Variants in IL6R observed in about 807,000 individuals in gnomAD.
The protein encoded by IL6R is interleukin-6 receptor subunit alpha.
Under a neutral mutation model 48.3 loss-of-function variants are expected in IL6R, and 38 were observed. The ratio of observed to expected loss-of-function variants is 0.79; its 90% CI spans 0.61 to 1.03. The LOEUF (loss-of-function observed/expected upper bound fraction) is 1.03. Ranked by LOEUF, IL6R falls within the 50% of genes least tolerant of loss-of-function variation. The probability of loss-of-function intolerance (pLI) is 0.00; values close to 1 mark genes in which losing one functional copy is unlikely to be tolerated. For synonymous variants in IL6R, 264 were observed against 256.2 expected (o/e 1.03, Z -0.29); for missense variants, 534 against 618.3 (o/e 0.86, Z 1.45).
chr1:154,454,455 C>A (rs1459494396), intron 8 of IL6R, 33 bp from the exon 9 acceptor site: 2 of 1,357,844 alleles, frequency 1.5e-6, no homozygotes, highest in East Asian at 4.6e-5. Flanking sequence ...TTCTCCTCTT[C>A]CTCCTCTATC....
intron 6 of IL6R, among the ~76,000 whole-genome samples, chr1:154,442,605 G>A (rs920851727): frequency 2.0e-5 from 3 of 152,172 alleles, no homozygotes; most frequent in African/African-American, 7.2e-5. Context: ...TGTAGCCCAG[G>A]ATAGCCTTTT....
intron 1 of IL6R, among the ~76,000 whole-genome samples, chr1:154,428,580 C>T (rs554812468): frequency 2.6e-5 from 4 of 152,346 alleles, no homozygotes; most frequent in East Asian, 1.9e-4. Flanking sequence ...GGCCAGGCAA[C>T]GTCCCGGGCA....
In IL6R at chr1:154,408,111, A is replaced by G. The variant is rs138063143; in HGVS notation, c.85+2397A>G. On this transcript the variant is annotated intron_variant, in intron 1 of 9. Coordinates refer to ENST00000368485, the MANE Select transcript of IL6R (RefSeq NM_000565.4). ...GGGTGGGAGGGCTTTGGTAAACATG[A>G]TGATTTTTGAACCCTAACCCAGATT... Among the ~76,000 whole-genome samples, 621 of 152,142 alleles carry G rather than the reference A, an allele frequency of 4.1e-3. 3 individuals carry two copies. The highest frequency in any genetic ancestry group is 0.014 in the African/African-American group (586 of 41,502).
chr1:154,415,096 G>A, intron 1 of IL6R: 1 of 1,235,972 alleles, frequency 8.1e-7, no homozygotes, highest in Non-Finnish European at 1.2e-6. Context: ...CTAAGATTGG[G>A]GCTTTTACGG....
At chr1:154,442,407 A>G (rs546721548) in intron 6 of IL6R, among the ~76,000 whole-genome samples, 19 of 152,176 alleles carry the variant, frequency 1.2e-4, no homozygotes, top group African/African-American at 4.6e-4. Flanking sequence ...GAGCAAGGGG[A>G]GGGTGGCAGA....
intron 6 of IL6R, among the ~76,000 whole-genome samples, chr1:154,439,580 G>T (rs1437047043): frequency 6.6e-6 from 1 of 152,186 alleles, no homozygotes; most frequent in Non-Finnish European, 1.5e-5. Flanking sequence ...CTCCCAAAGT[G>T]CTGGGATTAC....
intron 9 of IL6R, among the ~76,000 whole-genome samples, chr1:154,460,373 C>T (rs1691177921): frequency 6.6e-6 from 1 of 151,984 alleles, no homozygotes; most frequent in South Asian, 2.1e-4. Context: ...TCATACTCGC[C>T]TTAGAATATT....
intron 7 of IL6R, 87 bp from the exon 8 acceptor site, chr1:154,449,824 C>T (rs1388812867): frequency 4.9e-6 from 4 of 823,392 alleles, no homozygotes; most frequent in Admixed American, 1.7e-5. Flanking sequence ...TCAGGGAGGG[C>T]TCTGAGGAGG....
intron 3 of IL6R, 133 bp from the exon 4 acceptor site, chr1:154,434,386 G>T (rs1689484116): frequency 1.5e-6 from 1 of 678,310 alleles, no homozygotes. Context: ...ATGAGAAAAG[G>T]AGACTTAGAG....
intron 6 of IL6R, among the ~76,000 whole-genome samples, chr1:154,439,714 T>C (rs1037180448): frequency 3.3e-5 from 5 of 152,228 alleles, no homozygotes; most frequent in Non-Finnish European, 7.3e-5. Context: ...CTTGTAAAAC[T>C]GAAACTCAGA....
intron 6 of IL6R, chr1:154,437,533 C>A (rs1159892842): frequency 2.3e-6 from 1 of 434,660 alleles, no homozygotes. Context: ...CCCGCCTCAG[C>A]CTCCTAAGTA....
At chr1:154,426,975 G>A (rs1349447531) in intron 1 of IL6R, among the ~76,000 whole-genome samples, 1 of 150,762 alleles carries the variant, frequency 6.6e-6, no homozygotes, top group East Asian at 2.0e-4. Flanking sequence ...CTGGAGTGCA[G>A]TGGCGTGATC....
chr1:154,453,370 G>A (rs887079123), intron 8 of IL6R, among the ~76,000 whole-genome samples: 6 of 152,210 alleles, frequency 3.9e-5, no homozygotes, highest in African/African-American at 1.2e-4. Flanking sequence ...GGCTCTCTGC[G>A]CTGCCTGACT....
At chr1:154,463,751 C>T (rs1164778384) in intron 9 of IL6R, among the ~76,000 whole-genome samples, 3 of 152,242 alleles carry the variant, frequency 2.0e-5, no homozygotes, top group Non-Finnish European at 4.4e-5. Flanking sequence ...TTTCATCTTT[C>T]TTTGAGCTGT....
chr1:154,442,599 G>T (rs1188015178), intron 6 of IL6R, among the ~76,000 whole-genome samples: 1 of 152,182 alleles, frequency 6.6e-6, no homozygotes, highest in African/African-American at 2.4e-5. Context: ...ACAGACTGTA[G>T]CCCAGGATAG....
chr1:154,406,754 C>G (rs973038689), intron 1 of IL6R, among the ~76,000 whole-genome samples: 7 of 152,154 alleles, frequency 4.6e-5, no homozygotes, highest in African/African-American at 1.7e-4. Context: ...AGAGGCTGAG[C>G]TGGAGTGTCT....
chr1:154,459,435 T>C (rs141303321), intron 9 of IL6R, among the ~76,000 whole-genome samples: 53 of 152,326 alleles, frequency 3.5e-4, no homozygotes, highest in African/African-American at 1.3e-3. Flanking sequence ...AAATCCCCTC[T>C]GTCTAGCAAA....
chr1:154,449,861 G>T, intron 7 of IL6R, 50 bp from the exon 8 acceptor site: 1 of 1,210,976 alleles, frequency 8.3e-7, no homozygotes, highest in South Asian at 1.2e-5. Context: ...GGTTCTGAAT[G>T]ATGGTGCAAT....
Position 154,405,638 on chromosome 1 carries a change from C to T in IL6R, c.9C>T (p.Ala3=), listed in dbSNP as rs1392390296. ...GTAGCCGAGGAGGAAGCATGCTGGC[C>T]GTCGGCTGCGCGCTGCTGGCTGCCC... The part of the protein sequence containing the change: ML[A]VGCALLAALL... The change falls in exon 1 of 10, where the codon GCC becomes GCT. Residue 3 remains alanine, a synonymous_variant. Transcript: ENST00000368485. This position sits in a 1 kb window ranked among gnomAD's most constrained non-coding sequence, Gnocchi z 5.2. 2 of 1,533,200 alleles carry T rather than the reference C, an allele frequency of 1.3e-6. No individual in the cohort carries two copies. The highest frequency in any genetic ancestry group is 1.7e-6 in the Non-Finnish European group (2 of 1,147,366). The allele number at this position is 1,533,200 out of a possible 1,614,324, so 95.0% of individuals were successfully genotyped here.
Sources: allele counts gnomAD v4.1 joint callset (sites outside exome capture counted in the v4.1 genomes callset), GRCh38; gene constraint gnomAD v4.1.1; non-coding constraint Gnocchi (gnomAD v3.1); transcripts MANE v1.5; gene names NCBI Gene and HGNC (gene_info 2026-07-23, HGNC 2026-07-21).